Variants in TENM3 observed in about 807,000 individuals in gnomAD.
TENM3 encodes the protein teneurin transmembrane protein 3.
A neutral mutation model predicts 255.1 loss-of-function variants in TENM3; 63 were observed. The observed-to-expected ratio is 0.25, with a 90% CI of 0.20 to 0.30. The LOEUF is 0.30. TENM3 is among the 10% of genes least tolerant of loss of function. The pLI, the probability that TENM3 is intolerant of heterozygous loss-of-function variation, is 1.00. For missense variants in TENM3, 2,929 were observed against 3,461.1 expected, an observed-to-expected ratio of 0.85 and a Z score of 3.86; for synonymous variants, 1,306 against 1,322.3, an observed-to-expected ratio of 0.99 and a Z score of 0.27.
the TENM3 span, among the ~76,000 whole-genome samples, chr4:181,533,465 T>C: frequency 6.6e-6 from 1 of 152,156 alleles, no homozygotes; most frequent in African/African-American, 2.4e-5. Flanking sequence ...AACAACAACA[T>C]GTGTTTCCAT....
At chr4:182,175,312 AAAAT>A (rs1192712554) in intron 1 of TENM3, among the ~76,000 whole-genome samples, 4 of 79,298 alleles carry the variant, frequency 5.0e-5, no homozygotes, top group African/African-American at 1.7e-4. Context: ...TAAAAAAAAA[AAAAT>A]ATATATATAT....
chr4:182,225,980 C>G (rs1323393844), intron 1 of TENM3, among the ~76,000 whole-genome samples: 4 of 152,110 alleles, frequency 2.6e-5, no homozygotes, highest in Non-Finnish European at 2.9e-5. Flanking sequence ...AGTAAGGAAC[C>G]ATCGGGAAAT....
At chr4:182,638,521 C>T (rs1034082327) in intron 5 of TENM3, among the ~76,000 whole-genome samples, 2 of 152,148 alleles carry the variant, frequency 1.3e-5, no homozygotes, top group Admixed American at 6.5e-5. Context: ...ATTGTACAGT[C>T]TATACAGTGA....
chr4:182,250,757 A>G (rs1325318630), intron 1 of TENM3, among the ~76,000 whole-genome samples: 1 of 152,228 alleles, frequency 6.6e-6, no homozygotes, highest in Non-Finnish European at 1.5e-5. Context: ...TAATATTTTA[A>G]AAATAAGCAT....
At chr4:182,797,942 A>G (rs1478352272) in intron 27 of TENM3, among the ~76,000 whole-genome samples, 1 of 152,070 alleles carries the variant, frequency 6.6e-6, no homozygotes, top group Non-Finnish European at 1.5e-5. Flanking sequence ...TTCCTTTTTC[A>G]TAAGTTACAA....
the TENM3 span, among the ~76,000 whole-genome samples, chr4:181,529,472 G>C: frequency 1.6e-3 from 249 of 152,218 alleles, no homozygotes; most frequent in Non-Finnish European, 2.2e-3. Flanking sequence ...AATAGATGTG[G>C]GTAATGTAAA....
chr4:181,786,195 T>G, the TENM3 span, among the ~76,000 whole-genome samples: 1 of 152,150 alleles, frequency 6.6e-6, no homozygotes, highest in Non-Finnish European at 1.5e-5. Context: ...AACAGTTACC[T>G]ACGCAAATGT....
chr4:182,458,806 C>T (rs966156983), intron 3 of TENM3, among the ~76,000 whole-genome samples: 1 of 152,086 alleles, frequency 6.6e-6, no homozygotes, highest in African/African-American at 2.4e-5. Context: ...GTGACAGCAT[C>T]CTCTGCAGAG....
chr4:182,093,358 C>A, the TENM3 span, among the ~76,000 whole-genome samples: 3 of 152,152 alleles, frequency 2.0e-5, no homozygotes, highest in Admixed American at 6.5e-5. Flanking sequence ...CAGTCTCTCT[C>A]AATCCACACA....
At chr4:182,250,087 C>T (rs1189925440) in intron 1 of TENM3, among the ~76,000 whole-genome samples, 4 of 136,942 alleles carry the variant, frequency 2.9e-5, no homozygotes, top group African/African-American at 8.5e-5. Context: ...GAGTCTTGCT[C>T]TGTCGCCCAG....
the TENM3 span, among the ~76,000 whole-genome samples, chr4:181,956,766 G>C: frequency 3.3e-5 from 5 of 152,210 alleles, no homozygotes; most frequent in Non-Finnish European, 7.3e-5. Flanking sequence ...CTACATAATA[G>C]ATTTCAGATG....
chr4:182,199,293 G>A (rs112744035), intron 1 of TENM3, among the ~76,000 whole-genome samples: 11 of 152,120 alleles, frequency 7.2e-5, no homozygotes, highest in African/African-American at 1.7e-4. Flanking sequence ...GTGAAACCCC[G>A]TCTCTACTAT....
intron 1 of TENM3, among the ~76,000 whole-genome samples, chr4:182,169,104 C>CACACACACACACAT (rs1554025014): frequency 6.6e-6 from 1 of 151,396 alleles, no homozygotes; most frequent in African/African-American, 2.4e-5. Context: ...CACACACACA[C>CACACACACACACAT]GTGGGTGTGA....
chr4:181,544,993 G>T, the TENM3 span, among the ~76,000 whole-genome samples: 1 of 152,212 alleles, frequency 6.6e-6, no homozygotes. Flanking sequence ...TTCTGAAACA[G>T]ATATTTGATT....
At position 182,797,144 on chromosome 4, in the gene TENM3, A is replaced by G. The variant is rs370556987; in HGVS notation, c.7344+377A>G. Among the ~76,000 whole-genome samples the G allele has an allele frequency of 1.9e-3, 297 of 152,336 alleles. 1 individual carries two copies. Among genetic ancestry groups the G allele is most frequent in the Middle Eastern group, 6.8e-3 (2 of 294 alleles). ...GCCACAAGGTTCAACTTCTTTAAAA[A>G]TTAACAGTGTTTTGGCCGAGTGAGG... On this transcript the variant is annotated intron_variant, in intron 27 of 27. Transcript: ENST00000511685.
chr4:182,731,883 G>A (rs552313586), intron 16 of TENM3, among the ~76,000 whole-genome samples: 255 of 151,426 alleles, frequency 1.7e-3, no homozygotes, highest in African/African-American at 5.8e-3. Context: ...CCGGGTTCAC[G>A]CCATTCTCCC....
intron 3 of TENM3, among the ~76,000 whole-genome samples, chr4:182,553,908 C>T (rs572066972): frequency 4.2e-4 from 64 of 152,304 alleles, no homozygotes; most frequent in Non-Finnish European, 7.8e-4. Flanking sequence ...TCTTTTCTCT[C>T]TGCCAAATGA....
chr4:182,251,639 G>T lies in TENM3; in HGVS notation c.-76+8163G>T, dbSNP rs111742245. Among the ~76,000 whole-genome samples the T allele has an allele frequency of 3.7e-3, 569 of 152,300 alleles. 5 individuals are homozygous for T. Among genetic ancestry groups the T allele is most frequent in the Non-Finnish European group, 5.6e-3 (383 of 68,034 alleles). ...AAGATATAAAATGAGATGGTCGATTGTTTAGTAATCACTAGAATTCTATTC... is the reference window on the plus strand; with the variant it reads ...AAGATATAAAATGAGATGGTCGATTTTTTAGTAATCACTAGAATTCTATTC... On this transcript the variant is annotated intron_variant, in intron 1 of 27. Transcript: ENST00000511685.
At position 182,229,510 on chromosome 4, in the gene TENM3, A is replaced by G. The variant is rs561773045; in HGVS notation, c.-76+84756A>G. Among the ~76,000 whole-genome samples, 25 of 152,236 alleles carry G rather than the reference A, an allele frequency of 1.6e-4. No individual in the cohort carries two copies. The South Asian group carries it at 4.8e-3, about 29-fold the overall frequency. On this transcript the variant is annotated intron_variant, in intron 1 of 2. Coordinates refer to the TENM3 transcript ENST00000512480. ...TTTGTAAAAATGCATCTCACTTGCT[A>G]TGCATTTTAACCATTTAATATTTGA...
Sources: allele counts gnomAD v4.1 joint callset (sites outside exome capture counted in the v4.1 genomes callset), GRCh38; gene constraint gnomAD v4.1.1; transcripts MANE v1.5; gene names NCBI Gene and HGNC (gene_info 2026-07-23, HGNC 2026-07-21).